The following CCSER1 variants were observed in gnomAD, a reference collection of about 807,000 sequenced individuals.
CCSER1 encodes coiled-coil serine rich protein 1, also known as serine-rich coiled-coil domain-containing protein 1.
In CCSER1, 41 loss-of-function variants were observed where a neutral mutation model predicts 82.0. The observed-to-expected ratio is 0.50, with a 90% CI of 0.39 to 0.65. CCSER1 has a LOEUF of 0.65. Ranked by LOEUF, CCSER1 falls within the 30% of genes least tolerant of loss-of-function variation. CCSER1 has a pLI of 0.00. For synonymous variants in CCSER1, 414 were observed against 383.9 expected (o/e 1.08, Z -0.92); for missense variants, 1,119 against 1,064.2 (o/e 1.05, Z -0.72).
chr4:90,865,415 A>G (rs1439987002), intron 8 of CCSER1, among the ~76,000 whole-genome samples: 3 of 152,022 alleles, frequency 2.0e-5, no homozygotes, highest in African/African-American at 7.2e-5. Flanking sequence ...TTTTGCCTTC[A>G]ATTGAACACT....
At chr4:91,155,734 C>A (rs928934012) in intron 10 of CCSER1, among the ~76,000 whole-genome samples, 2 of 151,490 alleles carry the variant, frequency 1.3e-5, no homozygotes, top group African/African-American at 2.4e-5. Flanking sequence ...CAGAAACTAT[C>A]AAAAAAATTG....
intron 6 of CCSER1, among the ~76,000 whole-genome samples, chr4:90,649,959 G>T (rs1339304434): frequency 3.3e-5 from 5 of 152,086 alleles, no homozygotes; most frequent in Non-Finnish European, 7.4e-5. Flanking sequence ...AAATTAGCCT[G>T]TAATCCCAGC....
chr4:90,592,375 A>AT (rs926339910), intron 5 of CCSER1, among the ~76,000 whole-genome samples: 63 of 152,034 alleles, frequency 4.1e-4, no homozygotes, highest in African/African-American at 1.0e-3. Flanking sequence ...GTATTCATTC[A>AT]TTTTTTTTGT....
At chr4:90,733,836 A>C (rs1160533017) in intron 7 of CCSER1, among the ~76,000 whole-genome samples, 1 of 151,952 alleles carries the variant, frequency 6.6e-6, no homozygotes, top group Non-Finnish European at 1.5e-5. Context: ...TTTTCTGTAT[A>C]TGTATAGATT....
chr4:91,545,224 G>C (rs550707272), intron 10 of CCSER1, among the ~76,000 whole-genome samples: 17 of 152,110 alleles, frequency 1.1e-4, no homozygotes, highest in Non-Finnish European at 2.5e-4. Flanking sequence ...GGTACCATCT[G>C]TCATGGCTTC....
At chr4:91,037,579 CT>C (rs1358267753) in intron 9 of CCSER1, among the ~76,000 whole-genome samples, 1 of 124,140 alleles carries the variant, frequency 8.1e-6, no homozygotes, top group East Asian at 3.3e-4. Flanking sequence ...GATATTTCTA[CT>C]TTTCCTTCTT....
chr4:90,918,385 T>C (rs1280971694), intron 8 of CCSER1: 1 of 393,794 alleles, frequency 2.5e-6, no homozygotes, highest in Admixed American at 3.1e-5. Context: ...TATTGAGTAT[T>C]TTTATTTCAG....
intron 8 of CCSER1, among the ~76,000 whole-genome samples, chr4:90,916,437 G>A (rs1231643071): frequency 6.6e-6 from 1 of 152,070 alleles, no homozygotes; most frequent in Non-Finnish European, 1.5e-5. Flanking sequence ...TTAACAAATG[G>A]TGCTGGGAAA....
In CCSER1 at chr4:91,355,525, A is replaced by G. The variant is rs371960159; in HGVS notation, c.2218-243047A>G. 1.6e-4 allele frequency among the ~76,000 whole-genome samples: 24 copies of G among 152,308 alleles called. No homozygotes were observed. In the East Asian group the frequency reaches 4.4e-3, roughly 28 times the overall value. On this transcript the variant is annotated intron_variant, in intron 10 of 10. Coordinates refer to ENST00000509176, the MANE Select transcript of CCSER1 (RefSeq NM_001145065.2). ...GAGTCCTGGTACACTTATAATAACC[A>G]TAAAATAATAGGACTGTAGCAATTT...
chr4:90,673,721 A>T (rs144238231), intron 6 of CCSER1, among the ~76,000 whole-genome samples: 10 of 152,122 alleles, frequency 6.6e-5, no homozygotes, highest in African/African-American at 2.2e-4. Flanking sequence ...TCATAGGCAA[A>T]TCTCTTCACT....
intron 10 of CCSER1, among the ~76,000 whole-genome samples, chr4:91,315,150 AGTGT>A (rs67135461): frequency 0.62 from 93,333 of 149,452 alleles, 29,204 homozygotes; most frequent in African/African-American, 0.71. Flanking sequence ...CGTGTGTGCA[AGTGT>A]GTGTGTGTGT....
chr4:91,295,899 T>G (rs951228216), intron 10 of CCSER1, among the ~76,000 whole-genome samples: 1 of 151,896 alleles, frequency 6.6e-6, no homozygotes, highest in African/African-American at 2.4e-5. Flanking sequence ...GGATATTTTA[T>G]GCAGAAAAAA....
intron 10 of CCSER1, among the ~76,000 whole-genome samples, chr4:91,467,103 C>G (rs1484183054): frequency 3.3e-5 from 5 of 152,144 alleles, no homozygotes; most frequent in Non-Finnish European, 5.9e-5. Flanking sequence ...TGACTTCAAA[C>G]TATACTACAA....
intron 5 of CCSER1, among the ~76,000 whole-genome samples, chr4:90,623,023 A>AT (rs35838784): frequency 0.3 from 33,692 of 112,574 alleles, 5,930 homozygotes; most frequent in African/African-American, 0.41. Context: ...TGGGTAAAGG[A>AT]TTTTTTTTTT....
In CCSER1 at chr4:91,475,851, G is replaced by A. The variant is rs374257478; in HGVS notation, c.2218-122721G>A. Among the ~76,000 whole-genome samples, 18 of 151,796 alleles carry A rather than the reference G, an allele frequency of 1.2e-4. No homozygotes were observed. The South Asian group carries it at 1.5e-3, about 12-fold the overall frequency. Reference sequence around the variant, plus strand: ...ACTATTCTACTCACTGTATTCATGAGATTAATTTTTTTAGCTCCCACATAT... The same window carrying A: ...ACTATTCTACTCACTGTATTCATGAAATTAATTTTTTTAGCTCCCACATAT... On this transcript the variant is annotated intron_variant, in intron 10 of 10. Coordinates refer to ENST00000509176, the MANE Select transcript of CCSER1 (RefSeq NM_001145065.2).
rs557475957 is a variant in CCSER1, at chr4:90,608,283, CAT to C, written c.1725-19741_1725-19740del. Among the ~76,000 whole-genome samples, 60 of 152,270 alleles carry C rather than the reference CAT, an allele frequency of 3.9e-4. 1 individual carries two copies. Among genetic ancestry groups the C allele is most frequent in the Non-Finnish European group, 3.5e-4 (24 of 68,026 alleles). On this transcript the variant is annotated intron_variant, in intron 5 of 10. Coordinates refer to ENST00000509176, the MANE Select transcript of CCSER1 (RefSeq NM_001145065.2). ...TTATCTGAGGTTCGTCACCCAAACT[CAT>C]GTGATCATTGACAGAATTCATTTCC... is the stretch of plus-strand genomic sequence containing the variant.
chr4:90,439,242 C>T (rs28666674), intron 4 of CCSER1, among the ~76,000 whole-genome samples: 454 of 152,192 alleles, frequency 3.0e-3, no homozygotes, highest in African/African-American at 0.011. Context: ...GAGCTGAGAT[C>T]ACACCACTGC....
chr4:91,470,968 T>C (rs1039821828), intron 10 of CCSER1, among the ~76,000 whole-genome samples: 3 of 152,282 alleles, frequency 2.0e-5, no homozygotes, highest in Admixed American at 6.5e-5. Flanking sequence ...ATGATGCAAA[T>C]GTGTGTCTCT....
intron 1 of CCSER1, among the ~76,000 whole-genome samples, chr4:90,144,210 A>G (rs1373150558): frequency 1.3e-5 from 2 of 152,156 alleles, no homozygotes; most frequent in Non-Finnish European, 1.5e-5. Context: ...ATGTGCTCCC[A>G]TACCTTGCCT....
Sources: gnomAD v4.1 joint callset for allele counts (sites outside exome capture counted in the v4.1 genomes callset) on GRCh38, gnomAD v4.1.1 for gene constraint, MANE v1.5 for transcripts, NCBI Gene and HGNC (gene_info 2026-07-23, HGNC 2026-07-21) for gene names.